ALPL: variants seen among roughly 807,000 people sequenced by gnomAD.
ALPL encodes the protein alkaline phosphatase, tissue-nonspecific isozyme.
In ALPL, 42 loss-of-function variants were observed where a neutral mutation model predicts 51.3. The observed-to-expected ratio is 0.82, with a 90% CI of 0.64 to 1.06. The LOEUF is 1.06. ALPL is among the 50% of genes least tolerant of loss of function. ALPL has a pLI of 0.00. For missense variants in ALPL, 589 were observed against 709.4 expected (o/e 0.83, Z 1.93); for synonymous variants, 279 against 296.4 (o/e 0.94, Z 0.60).
chr1:21,534,918 CT>C (rs1644077618), intron 1 of ALPL, among the ~76,000 whole-genome samples: 1 of 152,286 alleles, frequency 6.6e-6, no homozygotes, highest in African/African-American at 2.4e-5. Context: ...CTATTTAAAA[CT>C]GCAAACCTCC....
intron 1 of ALPL, among the ~76,000 whole-genome samples, chr1:21,527,811 A>G (rs1376988236): frequency 2.0e-5 from 3 of 151,996 alleles, no homozygotes; most frequent in Non-Finnish European, 2.9e-5. Flanking sequence ...CGGCCTCCCA[A>G]AGTGCTAGGA....
At chr1:21,522,500 T>C (rs1643893852) in intron 1 of ALPL, among the ~76,000 whole-genome samples, 1 of 152,140 alleles carries the variant, frequency 6.6e-6, no homozygotes, top group African/African-American at 2.4e-5. Flanking sequence ...CTGGTTGGTG[T>C]CACGTGCAAA....
At chr1:21,551,158 T>G (rs1644315700) in intron 1 of ALPL, 1 of 152,170 alleles carries the variant, frequency 6.6e-6, no homozygotes, top group African/African-American at 2.4e-5. Context: ...GAAGATAATT[T>G]TGGATGGCTC....
chr1:21,555,888 A>C (rs533832795), intron 2 of ALPL, among the ~76,000 whole-genome samples: 1 of 151,890 alleles, frequency 6.6e-6, no homozygotes, highest in African/African-American at 2.4e-5. Context: ...CTCCTGCCTC[A>C]GCCTCCCAAG....
At chr1:21,568,723 G>A (rs1644604403) in intron 7 of ALPL, among the ~76,000 whole-genome samples, 1 of 152,136 alleles carries the variant, frequency 6.6e-6, no homozygotes, top group Admixed American at 6.5e-5. Flanking sequence ...ATCAGGGGAG[G>A]ACATGGTTGG....
intron 1 of ALPL, among the ~76,000 whole-genome samples, chr1:21,519,214 C>G (rs573619852): frequency 1.3e-5 from 2 of 152,216 alleles, no homozygotes; most frequent in Non-Finnish European, 2.9e-5. Context: ...AAACCTGCCT[C>G]TCCCTTGGGA....
intron 1 of ALPL, among the ~76,000 whole-genome samples, chr1:21,550,198 T>A (rs1302616579): frequency 6.6e-6 from 1 of 152,154 alleles, no homozygotes; most frequent in Non-Finnish European, 1.5e-5. Context: ...GGTGGTTACA[T>A]AAATCTATCC....
chr1:21,527,327 C>T (rs71636978), intron 1 of ALPL, among the ~76,000 whole-genome samples: 19,423 of 151,972 alleles, frequency 0.13, 1,437 homozygotes, highest in Middle Eastern at 0.18. Flanking sequence ...CCACCACGCC[C>T]GGCCCTTCTT....
At chr1:21,556,566 C>T (rs1048051441) in intron 2 of ALPL, among the ~76,000 whole-genome samples, 1 of 151,926 alleles carries the variant, frequency 6.6e-6, no homozygotes, top group African/African-American at 2.4e-5. Context: ...CACTTGAGCC[C>T]AGGATTTCAA....
At chr1:21,550,657 CAT>C (rs1216718052) in intron 1 of ALPL, among the ~76,000 whole-genome samples, 1 of 152,134 alleles carries the variant, frequency 6.6e-6, no homozygotes, top group Non-Finnish European at 1.5e-5. Flanking sequence ...CCAGATCAAT[CAT>C]AAACCGAACC....
At chr1:21,565,191 C>A (rs1326947864) in intron 6 of ALPL, among the ~76,000 whole-genome samples, 1 of 152,204 alleles carries the variant, frequency 6.6e-6, no homozygotes, top group Non-Finnish European at 1.5e-5. Flanking sequence ...TTTCTGGGGG[C>A]TACTTGGCCC....
intron 1 of ALPL, among the ~76,000 whole-genome samples, chr1:21,541,975 A>G (rs1644192908): frequency 6.6e-6 from 1 of 152,136 alleles, no homozygotes; most frequent in African/African-American, 2.4e-5. Context: ...CCCTCTAGGG[A>G]AGTCCTTCCT....
At chr1:21,535,338 G>A (rs1052487042) in intron 1 of ALPL, among the ~76,000 whole-genome samples, 1 of 152,188 alleles carries the variant, frequency 6.6e-6, no homozygotes. Flanking sequence ...AAGTTTGGCT[G>A]GGTGTGGGGC....
chr1:21,576,275 A>ATGGG (rs1644734728), intron 10 of ALPL, among the ~76,000 whole-genome samples: 1 of 147,264 alleles, frequency 6.8e-6, no homozygotes, highest in African/African-American at 2.5e-5. Context: ...GGATGGGTGG[A>ATGGG]TGGATGGATG....
At chr1:21,527,781 C>G (rs1643968170) in intron 1 of ALPL, among the ~76,000 whole-genome samples, 1 of 151,932 alleles carries the variant, frequency 6.6e-6, no homozygotes, top group Non-Finnish European at 1.5e-5. Context: ...AACTCCCAAC[C>G]TGAAGTGATC....
rs1644683982 is a variant in ALPL, at chr1:21,573,677, C to T, written c.875C>T (p.Pro292Leu). ...GCGTCCTCCTCAGGTCTCTTCGAGC[C>T]AGGGGACATGCAGTACGAGCTGAAC... ...NVDYLLGLFE[P>L]GDMQYELNRN... is the part of the protein sequence containing the mutation. Residue 292 changes from proline to leucine, a missense_variant, in exon 9 of 12, where the codon CCA becomes CTA. Coordinates refer to ENST00000374840, the MANE Select transcript of ALPL (RefSeq NM_000478.6). 4 of 1,613,922 alleles carry T rather than the reference C, an allele frequency of 2.5e-6. No individual in the cohort carries two copies. The highest frequency in any genetic ancestry group is 1.1e-5 in the South Asian group (1 of 91,044).
At chr1:21,554,648 G>A (rs1263816641) in intron 2 of ALPL, among the ~76,000 whole-genome samples, 36 of 151,114 alleles carry the variant, frequency 2.4e-4, no homozygotes, top group African/African-American at 7.3e-4. Flanking sequence ...CCGCCACCGC[G>A]CCAGGCTAAT....
chr1:21,541,650 C>T (rs1324052967), intron 1 of ALPL, among the ~76,000 whole-genome samples: 1 of 152,202 alleles, frequency 6.6e-6, no homozygotes, highest in African/African-American at 2.4e-5. Context: ...TCACCAAGGG[C>T]TTCATGGCAC....
At chr1:21,555,962 G>A (rs537576659) in intron 2 of ALPL, among the ~76,000 whole-genome samples, 1 of 151,634 alleles carries the variant, frequency 6.6e-6, no homozygotes, top group Admixed American at 6.6e-5. Flanking sequence ...TAGTAGAGAC[G>A]GGGTTTCACC....
Sources: allele counts gnomAD v4.1 joint callset (sites outside exome capture counted in the v4.1 genomes callset), GRCh38; gene constraint gnomAD v4.1.1; transcripts MANE v1.5; gene names NCBI Gene and HGNC (gene_info 2026-07-23, HGNC 2026-07-21).